The following APBA1 variants were observed in gnomAD, a reference collection of about 807,000 sequenced individuals.
The protein encoded by APBA1 is amyloid-beta A4 precursor protein-binding family A member 1.
In APBA1, 55 loss-of-function variants were observed where a neutral mutation model predicts 86.6. The observed-to-expected ratio is 0.64, with a 90% CI of 0.51 to 0.80. APBA1 has a LOEUF of 0.80. Ranked by LOEUF, APBA1 falls within the 30% of genes least tolerant of loss-of-function variation. APBA1 has a pLI of 0.00. For synonymous variants in APBA1, 511 were observed against 493.9 expected, an observed-to-expected ratio of 1.03 and a Z score of -0.46; for missense variants, 1,090 against 1,183.0, an observed-to-expected ratio of 0.92 and a Z score of 1.15.
chr9:69,533,681 T>C (rs1836465872), intron 1 of APBA1, among the ~76,000 whole-genome samples: 1 of 152,256 alleles, frequency 6.6e-6, no homozygotes, highest in Admixed American at 6.5e-5. Context: ...AGAGTTGTTA[T>C]ACTTTTGTTG....
At position 69,427,779 on chromosome 9, in the gene APBA1, A is replaced by ATATT. The variant is rs1834512802; in HGVS notation, c.*3544_*3547dup. On this transcript the variant is annotated 3_prime_UTR_variant, in exon 13 of 13. Coordinates refer to ENST00000265381, the MANE Select transcript of APBA1 (RefSeq NM_001163.4). Reference sequence around the variant, plus strand: ...ATATATTTTATTTATATATTTATTTATATTTATATATAGATCATTGAGTTT... The same window carrying ATATT: ...ATATATTTTATTTATATATTTATTTATATTTATTTATATATAGATCATTGAGTTT... 1 of 151,832 alleles carries ATATT rather than the reference A, an allele frequency of 6.6e-6. No individual in the cohort carries two copies. The highest frequency in any genetic ancestry group is 1.5e-5 in the Non-Finnish European group (1 of 67,956). 9.4% of individuals were successfully genotyped at this position (151,832 alleles called of 1,614,324 possible).
At chr9:69,451,897 G>C (rs1835015921) in intron 9 of APBA1, among the ~76,000 whole-genome samples, 1 of 152,204 alleles carries the variant, frequency 6.6e-6, no homozygotes, top group Non-Finnish European at 1.5e-5. Flanking sequence ...GGATGACCAG[G>C]AGCAGAGGAT....
chr9:69,537,091 CA>C (rs943018685), intron 1 of APBA1, among the ~76,000 whole-genome samples: 2 of 150,796 alleles, frequency 1.3e-5, no homozygotes, highest in African/African-American at 4.9e-5. Flanking sequence ...TGACTTCTCC[CA>C]AATCTTAGTA....
At chr9:69,433,756 G>C (rs1319902491) in intron 11 of APBA1, among the ~76,000 whole-genome samples, 1 of 151,752 alleles carries the variant, frequency 6.6e-6, no homozygotes, top group Non-Finnish European at 1.5e-5. Context: ...GAAGTTCAAG[G>C]GTATTTCTAA....
chr9:69,482,681 T>C (rs909583644), intron 2 of APBA1, among the ~76,000 whole-genome samples: 1 of 151,906 alleles, frequency 6.6e-6, no homozygotes, highest in African/African-American at 2.4e-5. Context: ...CACGTATGTT[T>C]ATTGCGGCAT....
At position 69,664,887 on chromosome 9, in the gene APBA1, A is replaced by G. The variant is rs541157507; in HGVS notation, c.-70+7266T>C. On this transcript the variant is annotated intron_variant, in intron 1 of 12. Transcript: ENST00000265381. ...GTTGTCACAATACATTAAAATCCCTAAATTAAAATAACTGCCATCAAACCA... is the reference window on the plus strand; with the variant it reads ...GTTGTCACAATACATTAAAATCCCTGAATTAAAATAACTGCCATCAAACCA... 1.4e-4 allele frequency among the ~76,000 whole-genome samples: 22 copies of G among 152,308 alleles called. No individual in the cohort carries two copies. In the East Asian group the frequency reaches 3.9e-3, roughly 27 times the overall value.
intron 1 of APBA1, among the ~76,000 whole-genome samples, chr9:69,557,609 G>T (rs1836882874): frequency 6.6e-6 from 1 of 152,190 alleles, no homozygotes; most frequent in South Asian, 2.1e-4. Context: ...TGGTCGAAAG[G>T]TGAGAGAGTG....
chr9:69,459,774 T>C (rs910835694), intron 5 of APBA1, among the ~76,000 whole-genome samples: 1 of 152,206 alleles, frequency 6.6e-6, no homozygotes, highest in Non-Finnish European at 1.5e-5. Context: ...AAAGTGAAGA[T>C]AAAAATAGTA....
intron 2 of APBA1, among the ~76,000 whole-genome samples, chr9:69,512,403 T>G (rs569525516): frequency 2.0e-5 from 3 of 152,318 alleles, no homozygotes; most frequent in African/African-American, 4.8e-5. Context: ...AAAGTAGTGT[T>G]AAAAACAGAT....
At chr9:69,639,754 T>A (rs1441307744) in intron 1 of APBA1, among the ~76,000 whole-genome samples, 1 of 152,224 alleles carries the variant, frequency 6.6e-6, no homozygotes, top group Non-Finnish European at 1.5e-5. Flanking sequence ...ATAAATTATA[T>A]GTCAAGTAAC....
intron 1 of APBA1, among the ~76,000 whole-genome samples, chr9:69,592,031 G>T (rs187955694): frequency 8.1e-4 from 124 of 152,310 alleles, no homozygotes; most frequent in African/African-American, 2.8e-3. Flanking sequence ...TAGGATGGGT[G>T]CTTTTACTCA....
intron 1 of APBA1, among the ~76,000 whole-genome samples, chr9:69,671,271 T>C (rs1204266121): frequency 1.3e-5 from 2 of 152,116 alleles, no homozygotes; most frequent in African/African-American, 4.8e-5. Flanking sequence ...ACAAGACCCT[T>C]ATGGAACAGG....
chr9:69,452,607 T>C (rs1334831267), intron 8 of APBA1, among the ~76,000 whole-genome samples: 1 of 152,262 alleles, frequency 6.6e-6, no homozygotes, highest in Non-Finnish European at 1.5e-5. Context: ...TGAGTCATTC[T>C]ATACCCTGCA....
At chr9:69,530,343 C>CACAT (rs1564068286) in intron 1 of APBA1, among the ~76,000 whole-genome samples, 1 of 146,524 alleles carries the variant, frequency 6.8e-6, no homozygotes, top group East Asian at 2.0e-4. Flanking sequence ...CACACACACA[C>CACAT]ACACACACAC....
chr9:69,469,570 C>T (rs1387625822), intron 4 of APBA1, among the ~76,000 whole-genome samples: 1 of 152,220 alleles, frequency 6.6e-6, no homozygotes, highest in Non-Finnish European at 1.5e-5. Flanking sequence ...GAGTGGTACA[C>T]AGACAAATCT....
intron 1 of APBA1, among the ~76,000 whole-genome samples, chr9:69,580,616 G>T (rs1023315643): frequency 6.6e-6 from 1 of 152,116 alleles, no homozygotes; most frequent in Admixed American, 6.5e-5. Flanking sequence ...GATTGGCTAG[G>T]ACTCTTAGTG....
At chr9:69,568,448 C>T (rs1251284423) in intron 1 of APBA1, among the ~76,000 whole-genome samples, 1 of 152,160 alleles carries the variant, frequency 6.6e-6, no homozygotes, top group African/African-American at 2.4e-5. Flanking sequence ...TTAATTACTA[C>T]AAAAATACAG....
intron 1 of APBA1, among the ~76,000 whole-genome samples, chr9:69,638,068 T>G (rs1158725379): frequency 6.6e-6 from 1 of 152,244 alleles, no homozygotes; most frequent in East Asian, 1.9e-4. Context: ...GAATATGGTG[T>G]TGTTTCTTTC....
At chr9:69,623,818 G>T (rs934319916) in intron 1 of APBA1, among the ~76,000 whole-genome samples, 1 of 152,212 alleles carries the variant, frequency 6.6e-6, no homozygotes. Flanking sequence ...AAACAAAACT[G>T]GTGGATTGCT....
Sources: gnomAD v4.1 joint callset for allele counts (sites outside exome capture counted in the v4.1 genomes callset) on GRCh38, gnomAD v4.1.1 for gene constraint, MANE v1.5 for transcripts, NCBI Gene and HGNC (gene_info 2026-07-23, HGNC 2026-07-21) for gene names.